The following NRG3 variants were observed in gnomAD, a reference collection of about 807,000 sequenced individuals.
NRG3 encodes neuregulin 3, also known as pro-neuregulin-3, membrane-bound isoform.
Under a neutral mutation model 66.9 loss-of-function variants are expected in NRG3, and 31 were observed. That is an observed-to-expected ratio of 0.46 (90% CI 0.35 to 0.63). The LOEUF is 0.63. NRG3 is among the 20% of genes least tolerant of loss of function. The pLI, the probability that NRG3 is intolerant of heterozygous loss-of-function variation, is 0.00. For missense variants in NRG3, 910 were observed against 878.9 expected (o/e 1.04, Z -0.45); for synonymous variants, 393 against 359.4 (o/e 1.09, Z -1.06).
intron 2 of NRG3, among the ~76,000 whole-genome samples, chr10:82,685,524 A>G (rs1388173253): frequency 1.3e-5 from 2 of 152,214 alleles, no homozygotes; most frequent in African/African-American, 4.8e-5. Flanking sequence ...GAGGCCTAGC[A>G]CATTACTCTG....
intron 1 of NRG3, among the ~76,000 whole-genome samples, chr10:81,921,917 G>A (rs1009795754): frequency 3.3e-5 from 5 of 152,016 alleles, no homozygotes; most frequent in Non-Finnish European, 7.4e-5. Context: ...AGCAACATTT[G>A]TCTCTCTATT....
chr10:81,878,439 G>A (rs1841880673), intron 1 of NRG3, among the ~76,000 whole-genome samples: 1 of 152,152 alleles, frequency 6.6e-6, no homozygotes, highest in African/African-American at 2.4e-5. Context: ...GTTTAAATAG[G>A]CAAGTTGTAT....
At chr10:81,998,527 G>A (rs2061034790) in intron 1 of NRG3, among the ~76,000 whole-genome samples, 1 of 152,144 alleles carries the variant, frequency 6.6e-6, no homozygotes, top group South Asian at 2.1e-4. Flanking sequence ...GGGCCGCAGA[G>A]TCGATGTTGA....
chr10:82,517,695 G>A (rs1384048762), intron 2 of NRG3, among the ~76,000 whole-genome samples: 3 of 144,484 alleles, frequency 2.1e-5, no homozygotes, highest in African/African-American at 5.3e-5. Flanking sequence ...GTGTGTGTGT[G>A]TCTGTATGTT....
chr10:82,435,848 T>G (rs1017222411), intron 2 of NRG3, among the ~76,000 whole-genome samples: 1 of 148,432 alleles, frequency 6.7e-6, no homozygotes, highest in Non-Finnish European at 1.5e-5. Context: ...GTGGCACAAT[T>G]GGTTTTGAGT....
rs540101602 is a variant in NRG3, at chr10:82,299,542, C to T, written c.824-59197C>T. Among the ~76,000 whole-genome samples, 3 of 120,594 alleles carry T rather than the reference C, an allele frequency of 2.5e-5. No homozygotes were observed. The East Asian group carries it at 7.2e-4, about 29-fold the overall frequency. 79.1% of individuals were successfully genotyped at this position (120,594 alleles called of 152,430 possible). A position where few individuals can be genotyped will look rare whatever the true frequency, so the allele number is the denominator to read the frequency against. On this transcript the variant is annotated intron_variant, in intron 1 of 8. Coordinates refer to ENST00000372141, the MANE Select transcript of NRG3 (RefSeq NM_001010848.4). Reference sequence around the variant, plus strand: ...GGCCAAGTGGACCAGGGCTCCAATCCAGCCCTGTTTTTTTTTTTTATTGTT... The same window carrying T: ...GGCCAAGTGGACCAGGGCTCCAATCTAGCCCTGTTTTTTTTTTTTATTGTT...
At chr10:82,485,303 A>C (rs564150352) in intron 2 of NRG3, among the ~76,000 whole-genome samples, 15 of 152,114 alleles carry the variant, frequency 9.9e-5, no homozygotes, top group Non-Finnish European at 2.1e-4. Flanking sequence ...ATAACCTTAA[A>C]TGATCTCCTA....
intron 2 of NRG3, among the ~76,000 whole-genome samples, chr10:82,633,456 C>T (rs2133747784): frequency 6.6e-6 from 1 of 152,230 alleles, no homozygotes; most frequent in East Asian, 1.9e-4. Flanking sequence ...ATCCAAAACT[C>T]ATATGTTCCA....
chr10:82,925,135 A>T (rs1167689352), intron 4 of NRG3, among the ~76,000 whole-genome samples: 1 of 152,192 alleles, frequency 6.6e-6, no homozygotes, highest in Non-Finnish European at 1.5e-5. Context: ...AAGTTAGTTT[A>T]CTTAGTACAA....
chr10:82,776,160 G>A (rs964642731), intron 3 of NRG3, among the ~76,000 whole-genome samples: 6 of 152,030 alleles, frequency 3.9e-5, no homozygotes, highest in Admixed American at 2.6e-4. Flanking sequence ...GAAATAATTT[G>A]TTTCTCCTTC....
intron 1 of NRG3, among the ~76,000 whole-genome samples, chr10:81,941,719 C>T (rs974059351): frequency 1.3e-5 from 2 of 152,082 alleles, no homozygotes; most frequent in African/African-American, 4.8e-5. Context: ...GTGTTCTCCG[C>T]AGTTCTGGGG....
At chr10:82,129,431 A>T (rs1311338651) in intron 1 of NRG3, among the ~76,000 whole-genome samples, 1 of 152,138 alleles carries the variant, frequency 6.6e-6, no homozygotes, top group African/African-American at 2.4e-5. Flanking sequence ...ATGGGTACAT[A>T]GTTGGTGTAT....
chr10:82,890,400 T>C (rs1262548226), intron 4 of NRG3, among the ~76,000 whole-genome samples: 2 of 152,250 alleles, frequency 1.3e-5, no homozygotes, highest in Non-Finnish European at 2.9e-5. Flanking sequence ...AAATATCTTA[T>C]TATGGTCTTT....
intron 4 of NRG3, among the ~76,000 whole-genome samples, chr10:82,891,864 G>T (rs1843176764): frequency 6.6e-6 from 1 of 151,938 alleles, no homozygotes; most frequent in African/African-American, 2.4e-5. Context: ...CAGAATGAAA[G>T]CTTTTAACAA....
intron 1 of NRG3, among the ~76,000 whole-genome samples, chr10:82,014,798 C>T (rs1445272739): frequency 6.6e-6 from 1 of 151,962 alleles, no homozygotes; most frequent in African/African-American, 2.4e-5. Context: ...CAGTAGGAAA[C>T]CTGAGATTTA....
chr10:82,711,431 A>G (rs573759185), intron 2 of NRG3, among the ~76,000 whole-genome samples: 1 of 151,936 alleles, frequency 6.6e-6, no homozygotes, highest in South Asian at 2.1e-4. Flanking sequence ...TGTGTTATTC[A>G]ATGTATTATT....
intron 3 of NRG3, among the ~76,000 whole-genome samples, chr10:82,818,429 G>C (rs2061806437): frequency 6.6e-6 from 1 of 152,140 alleles, no homozygotes; most frequent in Non-Finnish European, 1.5e-5. Flanking sequence ...CCTGTGGAAG[G>C]AAAAGAAGAC....
At chr10:82,807,162 A>G (rs1441298702) in intron 3 of NRG3, among the ~76,000 whole-genome samples, 3 of 152,174 alleles carry the variant, frequency 2.0e-5, no homozygotes, top group Non-Finnish European at 4.4e-5. Context: ...CCCTCTAATC[A>G]TGTTCTGCTT....
rs55985013 is a variant in NRG3, at chr10:82,396,446, T to G, written c.953+37578T>G. On this transcript the variant is annotated intron_variant, in intron 2 of 8. Coordinates refer to ENST00000372141, the MANE Select transcript of NRG3 (RefSeq NM_001010848.4). ...TTGTTTCTTTGTTGTTCTTTCATCT[T>G]TATTGACCAGTTCCCTTTTTCAATT... Among the ~76,000 whole-genome samples, 224 of 152,322 alleles carry G rather than the reference T, an allele frequency of 1.5e-3. 1 individual carries two copies. Among genetic ancestry groups the G allele is most frequent in the African/African-American group, 5.1e-3 (214 of 41,578 alleles).
Sources: allele counts gnomAD v4.1 joint callset (sites outside exome capture counted in the v4.1 genomes callset), GRCh38; gene constraint gnomAD v4.1.1; transcripts MANE v1.5; gene names NCBI Gene and HGNC (gene_info 2026-07-23, HGNC 2026-07-21).